BLK: variants seen among roughly 807,000 people sequenced by gnomAD.
BLK encodes tyrosine-protein kinase Blk.
BLK carries 64 observed loss-of-function variants against 61.8 expected under a neutral mutation model. The ratio of observed to expected loss-of-function variants is 1.03; its 90% CI spans 0.85 to 1.27. The LOEUF (loss-of-function observed/expected upper bound fraction) is 1.27. BLK is among the 50% of genes most tolerant of loss of function. The probability of loss-of-function intolerance (pLI) is 0.00; values close to 1 mark genes in which losing one functional copy is unlikely to be tolerated. For missense variants in BLK, 853 were observed against 660.5 expected (o/e 1.29, Z -3.19); for synonymous variants, 351 against 272.0 (o/e 1.29, Z -2.86).
chr8:11,558,687 C>CAGAG lies in BLK; in HGVS notation c.1029+650_1029+653dup, dbSNP rs1423978963. On this transcript the variant is annotated intron_variant, in intron 10 of 12. Transcript: ENST00000259089. The stretch of plus-strand genomic sequence containing the variant: ...TTTCTGGACTCCATGGGGTGAAGAG[C>CAGAG]AGAGTGGAGAGGAGGGTTTTAGCCG... 7 of 456,170 alleles carry CAGAG rather than the reference C, an allele frequency of 1.5e-5. No homozygotes were observed. The East Asian group carries it at 4.9e-4, about 32-fold the overall frequency. 28.3% of individuals were successfully genotyped at this position (456,170 alleles called of 1,614,324 possible). A position where few individuals can be genotyped will look rare whatever the true frequency, so the allele number is the denominator to read the frequency against.
chr8:11,495,447 C>T (rs1798329040), intron 1 of BLK, among the ~76,000 whole-genome samples: 1 of 152,174 alleles, frequency 6.6e-6, no homozygotes, highest in African/African-American at 2.4e-5. Context: ...AGAGGAGAAA[C>T]CTGCAGATGC....
intron 10 of BLK, among the ~76,000 whole-genome samples, chr8:11,559,585 C>T (rs772172203): frequency 4.6e-5 from 7 of 152,120 alleles, no homozygotes; most frequent in Non-Finnish European, 1.0e-4. Flanking sequence ...CTTCTGGGCT[C>T]TTCTTTTCTT....
chr8:11,532,510 C>G (rs1215648563), intron 1 of BLK, among the ~76,000 whole-genome samples: 3 of 152,074 alleles, frequency 2.0e-5, no homozygotes, highest in African/African-American at 7.2e-5. Context: ...CACTTCTGGC[C>G]TCTCTTTTTT....
intron 1 of BLK, among the ~76,000 whole-genome samples, chr8:11,514,426 C>T (rs1381581569): frequency 6.6e-6 from 1 of 152,192 alleles, no homozygotes; most frequent in Non-Finnish European, 1.5e-5. Flanking sequence ...CCGCAATGGC[C>T]TCCCCGAGGG....
intron 11 of BLK, 78 bp from the exon 12 acceptor site, chr8:11,562,901 G>C (rs1269194559): frequency 6.3e-7 from 1 of 1,596,376 alleles, no homozygotes; most frequent in African/African-American, 1.3e-5. Context: ...AGGACAGCAG[G>C]AGCAGGGGTA....
chr8:11,531,205 T>C (rs2249260), intron 1 of BLK, among the ~76,000 whole-genome samples: 43,665 of 152,180 alleles, frequency 0.29, 6,564 homozygotes, highest in Middle Eastern at 0.33. Context: ...AAGTTAATTA[T>C]ATATTCTCAT....
intron 10 of BLK, chr8:11,558,751 T>A (rs1261086819): frequency 2.2e-6 from 1 of 456,218 alleles, no homozygotes; most frequent in South Asian, 1.5e-5. Context: ...GGTGGCCCTG[T>A]TAAAACTGGA....
At chr8:11,518,118 A>C (rs1355470441) in intron 1 of BLK, among the ~76,000 whole-genome samples, 1 of 152,086 alleles carries the variant, frequency 6.6e-6, no homozygotes, top group Non-Finnish European at 1.5e-5. Context: ...CAGTGGGTGA[A>C]TAAGTGAGTC....
At chr8:11,555,767 G>C in intron 8 of BLK, 1 of 513,394 alleles carries the variant, frequency 1.9e-6, no homozygotes, top group South Asian at 2.0e-5. Flanking sequence ...AGCTGGCTTT[G>C]ACAATGAGCT....
Position 11,507,873 on chromosome 8 carries a change from C to T in BLK, c.-2+13282C>T, listed in dbSNP as rs148263380. Among the ~76,000 whole-genome samples, 527 of 152,282 alleles carry T rather than the reference C, an allele frequency of 3.5e-3. 4 individuals are homozygous for T. Among genetic ancestry groups the T allele is most frequent in the African/African-American group, 0.012 (504 of 41,528 alleles). ...AGCATTTCTACACGTGAGCACTGGC[C>T]TTGCTGTCTGGCTGGGTGACTTCCT... is the stretch of plus-strand genomic sequence containing the variant. On this transcript the variant is annotated intron_variant, in intron 1 of 12. Transcript: ENST00000259089.
At chr8:11,528,539 G>T (rs749785825) in intron 1 of BLK, among the ~76,000 whole-genome samples, 32 of 152,042 alleles carry the variant, frequency 2.1e-4, no homozygotes, top group Admixed American at 1.6e-3. Flanking sequence ...TCAATCCTGA[G>T]GTGTTAGCTA....
At chr8:11,530,559 T>C (rs958805706) in intron 1 of BLK, among the ~76,000 whole-genome samples, 2 of 152,252 alleles carry the variant, frequency 1.3e-5, no homozygotes, top group Non-Finnish European at 2.9e-5. Flanking sequence ...TATTGCCTTA[T>C]GTTAAAAATA....
At chr8:11,533,994 G>A (rs895212010) in intron 1 of BLK, among the ~76,000 whole-genome samples, 1 of 152,220 alleles carries the variant, frequency 6.6e-6, no homozygotes, top group African/African-American at 2.4e-5. Context: ...TGATCCAGAA[G>A]CTCGGCCAAT....
chr8:11,521,762 T>G (rs1799460660), intron 1 of BLK, among the ~76,000 whole-genome samples: 1 of 152,200 alleles, frequency 6.6e-6, no homozygotes. Flanking sequence ...CGTCTGAGAC[T>G]CTCCGTTCAC....
intron 11 of BLK, among the ~76,000 whole-genome samples, chr8:11,562,371 G>A (rs995208391): frequency 6.6e-6 from 1 of 152,196 alleles, no homozygotes; most frequent in Non-Finnish European, 1.5e-5. Flanking sequence ...GACAGGATAT[G>A]GCTTGTTCTC....
At chr8:11,545,827 C>T (rs1585392032) in intron 2 of BLK, 4 of 599,966 alleles carry the variant, frequency 6.7e-6, no homozygotes, top group African/African-American at 5.5e-5. Context: ...TTGGGGCATC[C>T]CCCAGCGCGG....
At chr8:11,541,305 G>A (rs1258751311) in intron 1 of BLK, among the ~76,000 whole-genome samples, 1 of 152,062 alleles carries the variant, frequency 6.6e-6, no homozygotes, top group Non-Finnish European at 1.5e-5. Flanking sequence ...CCATCCATGT[G>A]CCAAATAGAC....
intron 1 of BLK, among the ~76,000 whole-genome samples, chr8:11,527,245 C>T (rs899261834): frequency 6.6e-6 from 1 of 152,170 alleles, no homozygotes; most frequent in African/African-American, 2.4e-5. Context: ...TAAAAGTCAC[C>T]TCTAAGGGGG....
intron 1 of BLK, among the ~76,000 whole-genome samples, chr8:11,508,565 C>T (rs946628965): frequency 1.3e-5 from 2 of 152,266 alleles, no homozygotes; most frequent in African/African-American, 4.8e-5. Flanking sequence ...TTGCTTTCCA[C>T]TTCTGACCAC....
Sources: gnomAD v4.1 joint callset for allele counts (sites outside exome capture counted in the v4.1 genomes callset) on GRCh38, gnomAD v4.1.1 for gene constraint, MANE v1.5 for transcripts, NCBI Gene and HGNC (gene_info 2026-07-23, HGNC 2026-07-21) for gene names.